The following GRM7 variants were observed in gnomAD, a reference collection of about 807,000 sequenced individuals.
GRM7 encodes glutamate metabotropic receptor 7, also known as metabotropic glutamate receptor 7.
A neutral mutation model predicts 84.5 loss-of-function variants in GRM7; 35 were observed. That is an observed-to-expected ratio of 0.41 (90% CI 0.32 to 0.55). The LOEUF (loss-of-function observed/expected upper bound fraction) is 0.55, where lower values mean the gene tolerates loss of function less well. GRM7 is among the 20% of genes least tolerant of loss of function. The pLI, the probability that GRM7 is intolerant of heterozygous loss-of-function variation, is 0.19. For missense variants in GRM7, 1,003 were observed against 1,194.6 expected, an observed-to-expected ratio of 0.84 and a Z score of 2.36; for synonymous variants, 487 against 455.1, an observed-to-expected ratio of 1.07 and a Z score of -0.89.
At position 7,130,856 on chromosome 3, in the gene GRM7, C is replaced by T. The variant is rs527669130; in HGVS notation, c.520-15596C>T. Among the ~76,000 whole-genome samples, 84 of 152,144 alleles carry T rather than the reference C, an allele frequency of 5.5e-4. No homozygotes were observed. In the Middle Eastern group the frequency reaches 0.017, roughly 31 times the overall value. ...TTCTAGAACAAATCAATATTTCCAA[C>T]AGTGTGCAATGAAGGGAACCTACCA... On this transcript the variant is annotated intron_variant, in intron 1 of 9. Coordinates refer to ENST00000357716, the MANE Select transcript of GRM7 (RefSeq NM_000844.4).
At chr3:7,581,537 C>T (rs1394854949) in intron 8 of GRM7, among the ~76,000 whole-genome samples, 1 of 152,142 alleles carries the variant, frequency 6.6e-6, no homozygotes, top group African/African-American at 2.4e-5. Context: ...AGCGTGTATA[C>T]ATGAAACTAT....
rs915638726 is a variant in GRM7 at position 7,074,518 on chromosome 3, C to G, written c.520-71934C>G. Among the ~76,000 whole-genome samples the G allele has an allele frequency of 6.0e-4, 92 of 152,174 alleles. 1 individual carries two copies. The highest frequency in any genetic ancestry group is 5.3e-3 in the Admixed American group (81 of 15,286). ...TTACTGTTCTGCGACATTATAAATA[C>G]AAAATCTAAGAATTAGCCCTACAAA... On this transcript the variant is annotated intron_variant, in intron 1 of 9. Coordinates refer to ENST00000357716, the MANE Select transcript of GRM7 (RefSeq NM_000844.4).
At chr3:7,639,169 T>C (rs763987996) in intron 8 of GRM7, among the ~76,000 whole-genome samples, 2 of 152,158 alleles carry the variant, frequency 1.3e-5, no homozygotes, top group Non-Finnish European at 2.9e-5. Context: ...ATTTCTCCAC[T>C]ATCATTCAAT....
chr3:6,881,237 C>G (rs992257100), intron 1 of GRM7, among the ~76,000 whole-genome samples: 11 of 152,106 alleles, frequency 7.2e-5, no homozygotes, highest in Admixed American at 7.2e-4. Context: ...CAACCCATTA[C>G]ATAGGTATTA....
At chr3:7,149,822 A>G (rs1046094245) in intron 2 of GRM7, among the ~76,000 whole-genome samples, 14 of 152,200 alleles carry the variant, frequency 9.2e-5, no homozygotes, top group Admixed American at 6.5e-5. Context: ...AATACCCAAC[A>G]ATATCTGATT....
At chr3:6,864,607 G>A (rs1202450444) in intron 1 of GRM7, among the ~76,000 whole-genome samples, 2 of 152,180 alleles carry the variant, frequency 1.3e-5, no homozygotes, top group African/African-American at 4.8e-5. Context: ...TAGCTTTCCA[G>A]TGATTTGAGT....
intron 7 of GRM7, among the ~76,000 whole-genome samples, chr3:7,577,073 T>C (rs1695003260): frequency 6.6e-6 from 1 of 152,172 alleles, no homozygotes. Flanking sequence ...CTGGAAACTC[T>C]GAGTCCAGTG....
intron 2 of GRM7, among the ~76,000 whole-genome samples, chr3:7,181,406 C>T (rs976600032): frequency 6.6e-6 from 1 of 152,098 alleles, no homozygotes; most frequent in Non-Finnish European, 1.5e-5. Context: ...GTTTAAAAAT[C>T]CAGGCACCAT....
At chr3:7,121,565 C>A (rs1456173390) in intron 1 of GRM7, among the ~76,000 whole-genome samples, 1 of 152,144 alleles carries the variant, frequency 6.6e-6, no homozygotes, top group Non-Finnish European at 1.5e-5. Context: ...AAAGCTTCAA[C>A]ATTATCCCCC....
chr3:7,339,033 C>T (rs116251870), intron 4 of GRM7, among the ~76,000 whole-genome samples: 2,376 of 151,880 alleles, frequency 0.016, 56 homozygotes, highest in African/African-American at 0.054. Context: ...CTTTTAAAAC[C>T]AGAAATCATC....
intron 8 of GRM7, among the ~76,000 whole-genome samples, chr3:7,647,388 C>G (rs1346100282): frequency 6.6e-6 from 1 of 152,296 alleles, no homozygotes; most frequent in African/African-American, 2.4e-5. Context: ...CCTTGACCAA[C>G]TAACTCAACT....
intron 7 of GRM7, among the ~76,000 whole-genome samples, chr3:7,466,918 G>GT (rs1181289762): frequency 6.6e-6 from 1 of 152,200 alleles, no homozygotes; most frequent in Non-Finnish European, 1.5e-5. Context: ...TAGAATCCAT[G>GT]TTTTAGTCAT....
intron 4 of GRM7, among the ~76,000 whole-genome samples, chr3:7,414,653 G>A (rs1696084698): frequency 6.6e-6 from 1 of 152,030 alleles, no homozygotes; most frequent in Non-Finnish European, 1.5e-5. Flanking sequence ...TTACATAATG[G>A]GATATTGCTA....
At chr3:7,103,871 T>C (rs1483598082) in intron 1 of GRM7, among the ~76,000 whole-genome samples, 1 of 149,778 alleles carries the variant, frequency 6.7e-6, no homozygotes, top group Non-Finnish European at 1.5e-5. Flanking sequence ...TTTCTTTCTT[T>C]CCCATTTCTG....
At chr3:7,346,923 C>A in intron 4 of GRM7, among the ~76,000 whole-genome samples, 1 of 152,116 alleles carries the variant, frequency 6.6e-6, no homozygotes. Context: ...TACTTTGGGA[C>A]TTCTGACTTC....
intron 5 of GRM7, among the ~76,000 whole-genome samples, chr3:7,443,193 AGCT>A (rs1697364835): frequency 6.6e-6 from 1 of 152,120 alleles, no homozygotes; most frequent in African/African-American, 2.4e-5. Context: ...GAACCCCAAC[AGCT>A]GTCATAATCT....
In GRM7 at chr3:7,578,536, A is replaced by G. The variant is rs781687459; in HGVS notation, c.1630A>G (p.Thr544Ala). ...ACAGAAAGGAACTCCTTGCTGTTGG[A>G]CCTGTGAGCCTTGCGATGGTTACCA... ...KTQKGTPCCW[T>A]CEPCDGYQYQ... The change falls in exon 8 of 10, where the codon ACC (threonine) becomes GCC (alanine). Residue 544 changes from threonine to alanine, a missense_variant. Transcript: ENST00000357716. 1.2e-6 allele frequency: 2 copies of G among 1,613,898 alleles called. No homozygotes were observed. The highest frequency in any genetic ancestry group is 2.2e-5 in the East Asian group (1 of 44,868).
At chr3:7,413,729 C>T (rs1298022576) in intron 4 of GRM7, among the ~76,000 whole-genome samples, 4 of 152,066 alleles carry the variant, frequency 2.6e-5, no homozygotes, top group Non-Finnish European at 5.9e-5. Flanking sequence ...GGTGATGGAG[C>T]GTCTAGTAGA....
chr3:7,312,033 G>A (rs1342614719), intron 4 of GRM7, among the ~76,000 whole-genome samples: 2 of 152,106 alleles, frequency 1.3e-5, no homozygotes, highest in South Asian at 4.2e-4. Flanking sequence ...CAAAGTCATA[G>A]CAAATTTTCC....
Sources: gnomAD v4.1 joint callset for allele counts (sites outside exome capture counted in the v4.1 genomes callset) on GRCh38, gnomAD v4.1.1 for gene constraint, MANE v1.5 for transcripts, NCBI Gene and HGNC (gene_info 2026-07-23, HGNC 2026-07-21) for gene names.